Variants in CCDC38 observed in about 807,000 individuals in gnomAD.
CCDC38 encodes the protein coiled-coil domain containing 38.
In CCDC38, 69 loss-of-function variants were observed where a neutral mutation model predicts 72.8. That is an observed-to-expected ratio of 0.95 (90% CI 0.78 to 1.16). The LOEUF (loss-of-function observed/expected upper bound fraction) is 1.16. Among genes scored for constraint, CCDC38 ranks in the 50% most tolerant of loss-of-function variants. The pLI is 0.00. For synonymous variants in CCDC38, 201 were observed against 213.2 expected (o/e 0.94, Z 0.50); for missense variants, 626 against 638.9 (o/e 0.98, Z 0.22).
chr12:95,896,716 T>C (rs1398009953), intron 7 of CCDC38: 1 of 152,178 alleles, frequency 6.6e-6, no homozygotes, highest in Non-Finnish European at 1.5e-5. Flanking sequence ...TTTCCAGCCC[T>C]ACCCGTAGAG....
At chr12:95,898,782 A>G (rs774794021) in intron 5 of CCDC38, 51 bp from the exon 6 acceptor site, 82 of 1,556,244 alleles carry the variant, frequency 5.3e-5, no homozygotes, top group Non-Finnish European at 6.8e-5. Flanking sequence ...CATTTTTAGT[A>G]ATTTCAACAG....
At chr12:95,940,430 GTTTA>G (rs954692926) in intron 1 of CCDC38, among the ~76,000 whole-genome samples, 6 of 150,570 alleles carry the variant, frequency 4.0e-5, no homozygotes, top group South Asian at 2.1e-4. Context: ...ATTCGAATCA[GTTTA>G]TTTGTTTTTT....
At chr12:95,892,768 A>T (rs549538484) in intron 8 of CCDC38, among the ~76,000 whole-genome samples, 1 of 151,676 alleles carries the variant, frequency 6.6e-6, no homozygotes, top group African/African-American at 2.4e-5. Flanking sequence ...ACGGGGTTTC[A>T]CCATGTTGGT....
At chr12:95,902,409 C>T (rs1344787412) in intron 5 of CCDC38, among the ~76,000 whole-genome samples, 1 of 152,136 alleles carries the variant, frequency 6.6e-6, no homozygotes, top group Non-Finnish European at 1.5e-5. Flanking sequence ...CAATTACTGA[C>T]CTGTCTTCTG....
At chr12:95,910,006 C>T (rs893959583) in intron 4 of CCDC38, among the ~76,000 whole-genome samples, 1 of 152,162 alleles carries the variant, frequency 6.6e-6, no homozygotes, top group African/African-American at 2.4e-5. Context: ...CAAGGATTTG[C>T]ACTCTCAGCA....
At chr12:95,911,001 G>C (rs189747259) in intron 4 of CCDC38, among the ~76,000 whole-genome samples, 1 of 152,006 alleles carries the variant, frequency 6.6e-6, no homozygotes, top group East Asian at 1.9e-4. Flanking sequence ...ATACTACAAG[G>C]CTACCGTAAC....
At chr12:95,892,246 T>C (rs2079835696) in intron 8 of CCDC38, among the ~76,000 whole-genome samples, 1 of 151,786 alleles carries the variant, frequency 6.6e-6, no homozygotes, top group African/African-American at 2.4e-5. Context: ...TCATCCCCTT[T>C]GATTTGTGAC....
chr12:95,920,155 T>C (rs2080189376), intron 2 of CCDC38, among the ~76,000 whole-genome samples: 1 of 152,210 alleles, frequency 6.6e-6, no homozygotes, highest in Non-Finnish European at 1.5e-5. Flanking sequence ...ATAATTCCCA[T>C]GTGTCATGGG....
chr12:95,915,814 T>C (rs1272622713), intron 4 of CCDC38, among the ~76,000 whole-genome samples: 2 of 152,214 alleles, frequency 1.3e-5, no homozygotes, highest in African/African-American at 4.8e-5. Context: ...CCAAACAATT[T>C]TACTGTTTCC....
At chr12:95,902,809 T>A (rs2079963750) in intron 5 of CCDC38, among the ~76,000 whole-genome samples, 1 of 152,300 alleles carries the variant, frequency 6.6e-6, no homozygotes, top group South Asian at 2.1e-4. Flanking sequence ...GCAGACTAAC[T>A]TCTTAGCTTG....
At chr12:95,920,026 C>T (rs1250073192) in intron 2 of CCDC38, among the ~76,000 whole-genome samples, 8 of 152,120 alleles carry the variant, frequency 5.3e-5, no homozygotes, top group East Asian at 1.9e-4. Context: ...TCACAAAAAA[C>T]GTGTACATGA....
chr12:95,897,842 C>T (rs372424576), intron 7 of CCDC38, among the ~76,000 whole-genome samples: 120 of 152,166 alleles, frequency 7.9e-4, no homozygotes, highest in African/African-American at 2.8e-3. Flanking sequence ...GCGATCCTCC[C>T]GCCTCAGCTT....
chr12:95,869,479 C>T lies in CCDC38; in HGVS notation c.1578+1G>A, dbSNP rs772903091. On this transcript the variant is annotated splice_donor_variant, in intron 15 of 15. Transcript: ENST00000344280. LOFTEE classifies it high-confidence loss of function. ...CTGGATCTATTAATAGCAAAACAAA[C>T]CTTTTTCTTTGGTTGTGCTACTGCT... is the stretch of plus-strand genomic sequence containing the variant. 4 of 1,610,942 alleles carry T rather than the reference C, an allele frequency of 2.5e-6. No homozygotes were observed. Among genetic ancestry groups the T allele is most frequent in the South Asian group, 1.1e-5 (1 of 90,608 alleles).
chr12:95,936,590 A>C, intron 1 of CCDC38, 67 bp from the exon 2 acceptor site: 5 of 1,315,740 alleles, frequency 3.8e-6, no homozygotes, highest in Non-Finnish European at 5.4e-6. Flanking sequence ...GGCTAAATTC[A>C]ACTGCCAATG....
At position 95,879,755 on chromosome 12, in the gene CCDC38, T is replaced by TAC. The variant is rs2079677934; in HGVS notation, c.1030_1031insGT (p.Gln344ArgfsTer21). The stretch of plus-strand genomic sequence containing the variant: ...CTGCTCTTCCAGCTCTCTGAGGACT[T>TAC]GAAGTAACTCCTCTGGTTCCTTGAA... On this transcript the variant is annotated frameshift_variant, in exon 12 of 16. Transcript: ENST00000344280. LOFTEE classifies it high-confidence loss of function. This position sits in a 1 kb window ranked among gnomAD's most constrained non-coding sequence, Gnocchi z 5.5. 1 of 1,612,042 alleles carries TAC rather than the reference T, an allele frequency of 6.2e-7. No homozygotes were observed. The highest frequency in any genetic ancestry group is 1.3e-5 in the African/African-American group (1 of 74,890).
intron 2 of CCDC38, among the ~76,000 whole-genome samples, chr12:95,926,278 A>G (rs1289354717): frequency 6.6e-6 from 1 of 151,860 alleles, no homozygotes; most frequent in African/African-American, 2.4e-5. Flanking sequence ...GGGAGAGTGT[A>G]TGTGTCAAGG....
intron 13 of CCDC38, among the ~76,000 whole-genome samples, chr12:95,877,940 A>G (rs1311555417): frequency 6.6e-6 from 1 of 152,212 alleles, no homozygotes; most frequent in Admixed American, 6.5e-5. Context: ...GCTCTGAAGA[A>G]ATGTATTTCG....
intron 10 of CCDC38, among the ~76,000 whole-genome samples, chr12:95,886,580 G>A (rs2079761734): frequency 6.6e-6 from 1 of 152,156 alleles, no homozygotes; most frequent in Non-Finnish European, 1.5e-5. Context: ...CAAAGGACTA[G>A]TATCTAATAT....
At chr12:95,932,901 C>A (rs939201232) in intron 2 of CCDC38, among the ~76,000 whole-genome samples, 1 of 152,106 alleles carries the variant, frequency 6.6e-6, no homozygotes, top group African/African-American at 2.4e-5. Context: ...AAGACAAATT[C>A]ACTAATGGAC....
Sources: allele counts gnomAD v4.1 joint callset (sites outside exome capture counted in the v4.1 genomes callset), GRCh38; gene constraint gnomAD v4.1.1; non-coding constraint Gnocchi (gnomAD v3.1); transcripts MANE v1.5; gene names NCBI Gene and HGNC (gene_info 2026-07-23, HGNC 2026-07-21).